The following NALCN variants were observed in gnomAD, a reference collection of about 807,000 sequenced individuals.
NALCN encodes sodium leak channel, non-selective, also known as sodium leak channel NALCN.
A neutral mutation model predicts 225.3 loss-of-function variants in NALCN; 111 were observed. That is an observed-to-expected ratio of 0.49 (90% CI 0.42 to 0.58). The LOEUF is 0.58. Among genes scored for constraint, NALCN ranks in the 20% least tolerant of loss-of-function variants. The probability of loss-of-function intolerance (pLI) is 0.00; values close to 1 mark genes in which losing one functional copy is unlikely to be tolerated. For synonymous variants in NALCN, 764 were observed against 769.0 expected, an observed-to-expected ratio of 0.99 and a Z score of 0.11; for missense variants, 1,378 against 2,202.4, an observed-to-expected ratio of 0.63 and a Z score of 7.49.
chr13:101,065,819 C>A (rs1391898952), intron 39 of NALCN, among the ~76,000 whole-genome samples: 1 of 152,116 alleles, frequency 6.6e-6, no homozygotes, highest in Non-Finnish European at 1.5e-5. Context: ...TGGAGTGAGG[C>A]ATGGGAAGCT....
At chr13:101,322,705 G>GT in intron 7 of NALCN, among the ~76,000 whole-genome samples, 1 of 151,900 alleles carries the variant, frequency 6.6e-6, no homozygotes, top group East Asian at 1.9e-4. Flanking sequence ...ATCTCTAAGC[G>GT]TGGTTTTTTT....
At chr13:101,354,799 A>T (rs2046002080) in intron 6 of NALCN, among the ~76,000 whole-genome samples, 1 of 151,960 alleles carries the variant, frequency 6.6e-6, no homozygotes, top group Non-Finnish European at 1.5e-5. Context: ...GAGAGAGGCA[A>T]TTTTTTTTCC....
chr13:101,085,076 T>G lies in NALCN; in HGVS notation c.3490-1272A>C, dbSNP rs189522391. Among the ~76,000 whole-genome samples, 488 of 152,316 alleles carry G rather than the reference T, an allele frequency of 3.2e-3. 2 individuals carry two copies. Among genetic ancestry groups the G allele is most frequent in the African/African-American group, 0.011 (458 of 41,578 alleles). On this transcript the variant is annotated intron_variant, in intron 30 of 43. Coordinates refer to ENST00000251127, the MANE Select transcript of NALCN (RefSeq NM_052867.4). ...TTTGCATGTGTGTAAATGGTGATGC[T>G]TGTATCTTCCTATGTGAATTGCCCA... is the stretch of plus-strand genomic sequence containing the variant.
chr13:101,396,332 G>A (rs2047292267), intron 2 of NALCN, among the ~76,000 whole-genome samples: 1 of 151,962 alleles, frequency 6.6e-6, no homozygotes, highest in Admixed American at 6.6e-5. Context: ...TAATCAATTA[G>A]TATACAATTC....
chr13:101,226,744 T>C (rs2041159095), intron 13 of NALCN, among the ~76,000 whole-genome samples: 1 of 152,186 alleles, frequency 6.6e-6, no homozygotes, highest in African/African-American at 2.4e-5. Context: ...CTGCCATTTC[T>C]GGAGGGACTT....
chr13:101,168,256 A>G (rs1285415472), intron 15 of NALCN, among the ~76,000 whole-genome samples: 1 of 152,152 alleles, frequency 6.6e-6, no homozygotes, highest in Non-Finnish European at 1.5e-5. Context: ...CTAAAGGCTT[A>G]AATTACCATC....
intron 7 of NALCN, among the ~76,000 whole-genome samples, chr13:101,300,084 T>A (rs1294074009): frequency 6.6e-6 from 1 of 151,224 alleles, no homozygotes; most frequent in Non-Finnish European, 1.5e-5. Context: ...CTCAACATAA[T>A]GAACATTTGT....
At chr13:101,415,525 C>T (rs572726265) in intron 1 of NALCN, among the ~76,000 whole-genome samples, 2 of 152,256 alleles carry the variant, frequency 1.3e-5, no homozygotes, top group African/African-American at 4.8e-5. Flanking sequence ...ATTCTCACAC[C>T]ATCCTGAAAG....
At chr13:101,364,322 C>G (rs1001044364) in intron 6 of NALCN, among the ~76,000 whole-genome samples, 2 of 152,100 alleles carry the variant, frequency 1.3e-5, no homozygotes, top group Non-Finnish European at 2.9e-5. Context: ...ATCAACCTAA[C>G]TGCCCACCAA....
intron 7 of NALCN, among the ~76,000 whole-genome samples, chr13:101,340,476 C>T (rs975661478): frequency 9.2e-5 from 14 of 152,130 alleles, no homozygotes; most frequent in African/African-American, 2.9e-4. Context: ...ATATTTTGCC[C>T]GTGCATCCCA....
At chr13:101,350,894 T>C (rs2045888668) in intron 6 of NALCN, among the ~76,000 whole-genome samples, 1 of 152,188 alleles carries the variant, frequency 6.6e-6, no homozygotes, top group African/African-American at 2.4e-5. Flanking sequence ...ATTTCCAGGC[T>C]GCCCTGAAGA....
intron 7 of NALCN, among the ~76,000 whole-genome samples, chr13:101,306,573 C>T (rs2044159907): frequency 6.6e-6 from 1 of 152,204 alleles, no homozygotes; most frequent in Non-Finnish European, 1.5e-5. Context: ...GCTTGTGTAG[C>T]TTCAGTGTTC....
At chr13:101,299,320 A>C (rs945305104) in intron 7 of NALCN, among the ~76,000 whole-genome samples, 1 of 152,204 alleles carries the variant, frequency 6.6e-6, no homozygotes, top group South Asian at 2.1e-4. Context: ...TAAAATCGAA[A>C]ATAAATTAAC....
At chr13:101,416,835 G>A (rs552568808), upstream of NALCN, among the ~76,000 whole-genome samples, 1 of 152,090 alleles carries the variant, frequency 6.6e-6, no homozygotes, top group African/African-American at 2.4e-5. Context: ...CACACGCGGG[G>A]TACACTTAAG....
chr13:101,065,078 C>T (rs899379548), intron 40 of NALCN, among the ~76,000 whole-genome samples: 2 of 152,290 alleles, frequency 1.3e-5, no homozygotes, highest in East Asian at 1.9e-4. Context: ...GGGCAGTTCC[C>T]GCATCACAGG....
At chr13:101,325,008 A>G (rs569221072) in intron 7 of NALCN, among the ~76,000 whole-genome samples, 1 of 152,154 alleles carries the variant, frequency 6.6e-6, no homozygotes, top group Non-Finnish European at 1.5e-5. Flanking sequence ...TGGGCTTGCT[A>G]TCCTTTTCCT....
At chr13:101,392,105 C>T (rs1408868798) in intron 3 of NALCN, among the ~76,000 whole-genome samples, 1 of 151,672 alleles carries the variant, frequency 6.6e-6, no homozygotes, top group Non-Finnish European at 1.5e-5. Context: ...AAAAACGCAA[C>T]AGGACCAGAT....
intron 7 of NALCN, among the ~76,000 whole-genome samples, chr13:101,294,601 G>A (rs972876898): frequency 2.0e-5 from 3 of 147,124 alleles, no homozygotes; most frequent in African/African-American, 5.0e-5. Flanking sequence ...GCTGGGTCCA[G>A]GGGGATCACT....
chr13:101,233,583 A>G (rs1402967470), intron 12 of NALCN, among the ~76,000 whole-genome samples: 2 of 151,526 alleles, frequency 1.3e-5, no homozygotes, highest in East Asian at 3.9e-4. Context: ...CTCGTGATCC[A>G]CCCGCCTCGG....
Sources: gnomAD v4.1 joint callset for allele counts (sites outside exome capture counted in the v4.1 genomes callset) on GRCh38, gnomAD v4.1.1 for gene constraint, MANE v1.5 for transcripts, NCBI Gene and HGNC (gene_info 2026-07-23, HGNC 2026-07-21) for gene names.